Variants in VSIG10 observed in about 807,000 individuals in gnomAD.
The protein encoded by VSIG10 is V-set and immunoglobulin domain containing 10, also known as V-set and immunoglobulin domain-containing protein 10.
In VSIG10, 48 loss-of-function variants were observed where a neutral mutation model predicts 58.7. The observed-to-expected ratio is 0.82, with a 90% CI of 0.65 to 1.04. The LOEUF (loss-of-function observed/expected upper bound fraction) is 1.04. Ranked by LOEUF, VSIG10 falls within the 50% of genes least tolerant of loss-of-function variation. The pLI, the probability that VSIG10 is intolerant of heterozygous loss-of-function variation, is 0.00. For synonymous variants in VSIG10, 260 were observed against 267.1 expected, an observed-to-expected ratio of 0.97 and a Z score of 0.26; for missense variants, 628 against 670.0, an observed-to-expected ratio of 0.94 and a Z score of 0.69.
At chr12:118,073,078 C>A (rs574297904) in intron 5 of VSIG10, among the ~76,000 whole-genome samples, 1 of 152,120 alleles carries the variant, frequency 6.6e-6, no homozygotes, top group Admixed American at 6.6e-5. Context: ...CAGATTCAAG[C>A]AATTCTGCCT....
intron 2 of VSIG10, among the ~76,000 whole-genome samples, chr12:118,086,059 G>A (rs1023002392): frequency 2.0e-5 from 3 of 151,252 alleles, no homozygotes; most frequent in African/African-American, 7.3e-5. Flanking sequence ...CTTGGGAGGC[G>A]AGGCAGGAGA....
intron 2 of VSIG10, among the ~76,000 whole-genome samples, chr12:118,086,000 A>C (rs558752906): frequency 2.6e-5 from 4 of 152,016 alleles, no homozygotes; most frequent in Admixed American, 6.6e-5. Flanking sequence ...TTTTCTAAAA[A>C]TACAAAGAAT....
At chr12:118,070,480 AG>A (rs2032442744) in intron 7 of VSIG10, among the ~76,000 whole-genome samples, 1 of 147,924 alleles carries the variant, frequency 6.8e-6, no homozygotes, top group Admixed American at 6.9e-5. Context: ...CCTGGGAGGT[AG>A]GGATTGCAGT....
intron 2 of VSIG10, among the ~76,000 whole-genome samples, chr12:118,087,855 A>AAAAAAAAAAAAAAAAAGAG (rs766337791): frequency 5.3e-5 from 7 of 131,316 alleles, no homozygotes; most frequent in African/African-American, 1.3e-4. Context: ...AAAAAAAAAA[A>AAAAAAAAAAAAAAAAAGAG]AGAGAGAGAA....
Position 118,076,914 on chromosome 12 carries a change from C to T in VSIG10, c.925+2432G>A, listed in dbSNP as rs546395193. On this transcript the variant is annotated intron_variant, in intron 4 of 8. Transcript: ENST00000359236. ...CCGTAAGCTATCCTCCTGCCTCTGA[C>T]TCCCAAAGTGCTGGGATTACAGGCG... Among the ~76,000 whole-genome samples, 3 of 152,322 alleles carry T rather than the reference C, an allele frequency of 2.0e-5. No individual in the cohort carries two copies. The South Asian group carries it at 6.2e-4, about 32-fold the overall frequency.
At chr12:118,070,598 T>C (rs1169976837) in intron 7 of VSIG10, among the ~76,000 whole-genome samples, 2 of 150,992 alleles carry the variant, frequency 1.3e-5, no homozygotes, top group Non-Finnish European at 3.0e-5. Context: ...CTTAAGACTA[T>C]GACTGATTCT....
At chr12:118,088,177 G>A (rs1441438513) in intron 2 of VSIG10, among the ~76,000 whole-genome samples, 1 of 150,546 alleles carries the variant, frequency 6.6e-6, no homozygotes, top group East Asian at 2.0e-4. Flanking sequence ...CCCGGGAGGC[G>A]GAGGCTGCAG....
At chr12:118,094,737 AT>A (rs770952050) in intron 2 of VSIG10, among the ~76,000 whole-genome samples, 1,819 of 132,692 alleles carry the variant, frequency 0.014, 32 homozygotes, top group African/African-American at 0.042. Flanking sequence ...AGAAGCAATA[AT>A]TTTTTTTTTT....
intron 4 of VSIG10, among the ~76,000 whole-genome samples, chr12:118,077,393 A>G (rs2032771607): frequency 6.6e-6 from 1 of 152,110 alleles, no homozygotes; most frequent in Admixed American, 6.6e-5. Context: ...CCTTTTATAT[A>G]TACCATTTTA....
chr12:118,094,897 T>G (rs2033401656), intron 2 of VSIG10, among the ~76,000 whole-genome samples: 1 of 142,010 alleles, frequency 7.0e-6, no homozygotes, highest in Non-Finnish European at 1.5e-5. Context: ...CCACCATGCC[T>G]GGCGAATTTT....
chr12:118,100,809 G>A (rs1039573518), intron 1 of VSIG10, among the ~76,000 whole-genome samples: 2 of 152,076 alleles, frequency 1.3e-5, no homozygotes, highest in African/African-American at 4.8e-5. Flanking sequence ...GATTACAGGC[G>A]GGAGCCACCG....
At chr12:118,101,244 G>C (rs2033615806) in intron 1 of VSIG10, among the ~76,000 whole-genome samples, 1 of 152,196 alleles carries the variant, frequency 6.6e-6, no homozygotes, top group Non-Finnish European at 1.5e-5. Context: ...CAGTGGAAAA[G>C]AACACAGTCA....
In VSIG10 at chr12:118,103,292, C is replaced by T. The variant is rs547166386; in HGVS notation, c.79+301G>A. ...CGCTTAAAAAAAAAAATCACTTTCC[C>T]GGCACACGTGCCTCTTTACTTTGCC... is the stretch of plus-strand genomic sequence containing the variant. On this transcript the variant is annotated intron_variant, in intron 1 of 8. Coordinates refer to ENST00000359236, the MANE Select transcript of VSIG10 (RefSeq NM_019086.6). 10 of 327,434 alleles carry T rather than the reference C, an allele frequency of 3.1e-5. No homozygotes were observed. In the East Asian group the frequency reaches 4.8e-4, roughly 16 times the overall value. The allele number at this position is 327,434 out of a possible 1,614,324, so 20.3% of individuals were successfully genotyped here.
chr12:118,089,111 A>T (rs2033219920), intron 2 of VSIG10, among the ~76,000 whole-genome samples: 1 of 151,808 alleles, frequency 6.6e-6, no homozygotes, highest in African/African-American at 2.4e-5. Flanking sequence ...ATCACACCTG[A>T]TTAAGTTTTG....
intron 3 of VSIG10, 139 bp from the exon 4 acceptor site, chr12:118,079,745 C>A: frequency 8.2e-7 from 1 of 1,216,120 alleles, no homozygotes. Context: ...GCTCCTAGCA[C>A]AAATTCATGC....
intron 2 of VSIG10, among the ~76,000 whole-genome samples, chr12:118,095,053 G>A (rs373026437): frequency 1.6e-4 from 25 of 152,278 alleles, no homozygotes; most frequent in South Asian, 6.2e-4. Flanking sequence ...ACAGGTGCGC[G>A]CCACCACGCT....
rs753154412 is a variant in VSIG10, at chr12:118,095,536, C to T, written c.358G>A (p.Ala120Thr). 2 of 1,613,720 alleles carry T rather than the reference C, an allele frequency of 1.2e-6. No individual in the cohort carries two copies. Among genetic ancestry groups the T allele is most frequent in the South Asian group, 1.1e-5 (1 of 91,072 alleles). ...TQWFQVWLQV[A>T]SGPYQIEVHI... The stretch of plus-strand genomic sequence containing the variant: ...GGTCCCTGCCAGCCCCACTTACTGG[C>T]CACCTGCAGCCACACTTGGAACCAC... Residue 120 changes from alanine to threonine, a missense_variant, in exon 2 of 9, where the codon GCC (alanine) becomes ACC (threonine). By Grantham distance (58) the Ala-to-Thr change is moderately conservative. Coordinates refer to ENST00000359236, the MANE Select transcript of VSIG10 (RefSeq NM_019086.6).
At chr12:118,085,191 A>G (rs2033085234) in intron 2 of VSIG10, among the ~76,000 whole-genome samples, 4 of 152,194 alleles carry the variant, frequency 2.6e-5, no homozygotes, top group South Asian at 4.1e-4. Flanking sequence ...ACCACCACCA[A>G]CACAGACAAA....
At position 118,091,008 on chromosome 12, in the gene VSIG10, A is replaced by T. The variant is rs566908467; in HGVS notation, c.361+4525T>A. Among the ~76,000 whole-genome samples the T allele has an allele frequency of 9.4e-4, 143 of 152,248 alleles. 1 individual carries two copies. The highest frequency in any genetic ancestry group is 3.3e-3 in the African/African-American group (136 of 41,564). On this transcript the variant is annotated intron_variant, in intron 2 of 8. Transcript: ENST00000359236. ...AAAAATAGCAGGTTTGGTGGCACAC[A>T]TCTGTAATCCCAGCTACTCAGGTGG...
Sources: gnomAD v4.1 joint callset for allele counts (sites outside exome capture counted in the v4.1 genomes callset) on GRCh38, gnomAD v4.1.1 for gene constraint, MANE v1.5 for transcripts, NCBI Gene and HGNC (gene_info 2026-07-23, HGNC 2026-07-21) for gene names.